DDX10: variants seen among roughly 807,000 people sequenced by gnomAD.
The protein encoded by DDX10 is DEAD-box helicase 10, also known as probable ATP-dependent RNA helicase DDX10.
In DDX10, 74 loss-of-function variants were observed where a neutral mutation model predicts 104.3. The ratio of observed to expected loss-of-function variants is 0.71; its 90% CI spans 0.59 to 0.86. DDX10 has a LOEUF of 0.86. Ranked by LOEUF, DDX10 falls within the 40% of genes least tolerant of loss-of-function variation. The pLI, the probability that DDX10 is intolerant of heterozygous loss-of-function variation, is 0.00. For synonymous variants in DDX10, 351 were observed against 353.4 expected (o/e 0.99, Z 0.08); for missense variants, 952 against 1,040.0 (o/e 0.92, Z 1.16).
At chr11:108,930,950 G>A (rs907953814) in intron 17 of DDX10, among the ~76,000 whole-genome samples, 4 of 152,200 alleles carry the variant, frequency 2.6e-5, no homozygotes, top group Middle Eastern at 3.4e-3. Context: ...TAATAAAAAC[G>A]TCAAAGACTA....
At chr11:108,877,869 G>C (rs1863173378) in intron 16 of DDX10, among the ~76,000 whole-genome samples, 1 of 152,144 alleles carries the variant, frequency 6.6e-6, no homozygotes, top group Non-Finnish European at 1.5e-5. Flanking sequence ...CATTTGAAGT[G>C]AAACAGTCTA....
chr11:108,809,447 G>A (rs1439736730), intron 13 of DDX10, among the ~76,000 whole-genome samples: 2 of 152,180 alleles, frequency 1.3e-5, no homozygotes, highest in East Asian at 1.9e-4. Flanking sequence ...TCTGTAAAGC[G>A]TTTCTGCAAG....
At chr11:108,724,026 C>A (rs2094302148) in intron 13 of DDX10, among the ~76,000 whole-genome samples, 2 of 151,928 alleles carry the variant, frequency 1.3e-5, no homozygotes, top group Non-Finnish European at 2.9e-5. Context: ...AGAAATAATC[C>A]ATTTAGATAA....
At chr11:108,933,524 C>T (rs1290446576) in intron 17 of DDX10, among the ~76,000 whole-genome samples, 2 of 152,130 alleles carry the variant, frequency 1.3e-5, no homozygotes, top group South Asian at 2.1e-4. Context: ...ATCAAAATTA[C>T]TCATTTTTAT....
chr11:108,831,745 A>G (rs184099390), intron 13 of DDX10, among the ~76,000 whole-genome samples: 23 of 152,172 alleles, frequency 1.5e-4, no homozygotes, highest in Non-Finnish European at 2.6e-4. Flanking sequence ...AGTAATGCTT[A>G]TATTAGTTTT....
chr11:108,794,278 C>CT (rs1591819985), intron 13 of DDX10, among the ~76,000 whole-genome samples: 1 of 151,634 alleles, frequency 6.6e-6, no homozygotes, highest in East Asian at 1.9e-4. Context: ...GTTTTAGTAG[C>CT]TTTTTTGTAG....
chr11:108,754,790 C>A (rs1014272221), intron 13 of DDX10, among the ~76,000 whole-genome samples: 1 of 151,932 alleles, frequency 6.6e-6, no homozygotes, highest in African/African-American at 2.4e-5. Flanking sequence ...GGAGAGCAAA[C>A]CTTATTCACT....
intron 6 of DDX10, among the ~76,000 whole-genome samples, chr11:108,681,774 A>T (rs911037540): frequency 1.3e-5 from 2 of 152,214 alleles, no homozygotes; most frequent in South Asian, 2.1e-4. Flanking sequence ...TTCAGTGACA[A>T]GTTGAATTCT....
intron 15 of DDX10, among the ~76,000 whole-genome samples, chr11:108,841,955 G>A (rs1350302349): frequency 6.6e-6 from 1 of 152,136 alleles, no homozygotes; most frequent in East Asian, 1.9e-4. Context: ...ACTAAGTAAT[G>A]TCCCATCGTA....
chr11:108,899,435 A>G (rs1044532120), intron 16 of DDX10, among the ~76,000 whole-genome samples: 4 of 152,062 alleles, frequency 2.6e-5, no homozygotes, highest in Non-Finnish European at 2.9e-5. Context: ...AGGGAGATAT[A>G]TGGTGTTGCC....
chr11:108,681,603 A>G (rs2094235345), intron 6 of DDX10, among the ~76,000 whole-genome samples: 1 of 152,222 alleles, frequency 6.6e-6, no homozygotes. Context: ...GAAGGACACA[A>G]CAACTAAAGA....
chr11:108,939,592 G>A (rs182089682), intron 17 of DDX10, among the ~76,000 whole-genome samples: 1 of 152,254 alleles, frequency 6.6e-6, no homozygotes, highest in East Asian at 1.9e-4. Context: ...TTTTTCTTCT[G>A]TTTTTAGCAT....
chr11:108,849,362 A>G (rs1016147004), intron 15 of DDX10, among the ~76,000 whole-genome samples: 4 of 152,112 alleles, frequency 2.6e-5, no homozygotes, highest in African/African-American at 9.7e-5. Context: ...AAAGGAATAT[A>G]CTTTCATAAC....
intron 13 of DDX10, among the ~76,000 whole-genome samples, chr11:108,759,068 A>G (rs992154781): frequency 6.6e-6 from 1 of 152,092 alleles, no homozygotes; most frequent in African/African-American, 2.4e-5. Flanking sequence ...TAGTGCTATT[A>G]TAGTACAATC....
intron 16 of DDX10, among the ~76,000 whole-genome samples, chr11:108,888,357 C>T (rs1441718880): frequency 1.3e-5 from 2 of 152,018 alleles, no homozygotes; most frequent in African/African-American, 4.8e-5. Flanking sequence ...ATATATATTC[C>T]CCCCTTCCAT....
Position 108,665,081 on chromosome 11 carries a change from T to A in DDX10, c.-73T>A. On this transcript the variant is annotated 5_prime_UTR_variant, in exon 1 of 18. An upstream start codon of the reference 5' UTR is lost. Coordinates refer to ENST00000322536, the MANE Select transcript of DDX10 (RefSeq NM_004398.4). ...CATGCGCCTCTGTGCGTTTGTCCCA[T>A]GCTGGTTCCGTGAGTCTGGCCTTAG... is the stretch of plus-strand genomic sequence containing the variant. 2.7e-6 allele frequency: 4 copies of A among 1,472,170 alleles called. No individual in the cohort carries two copies. The highest frequency in any genetic ancestry group is 2.7e-6 in the Non-Finnish European group (3 of 1,115,386). 91.2% of individuals were successfully genotyped at this position (1,472,170 alleles called of 1,614,324 possible). A position where few individuals can be genotyped will look rare whatever the true frequency, so the allele number is the denominator to read the frequency against.
intron 14 of DDX10, 98 bp from the exon 15 acceptor site, chr11:108,841,217 T>G (rs1448729030): frequency 1.1e-6 from 1 of 944,768 alleles, no homozygotes; most frequent in Non-Finnish European, 1.6e-6. Flanking sequence ...AGGCAGAAAA[T>G]GGGTATCTGC....
At chr11:108,716,921 C>CT (rs559505105) in intron 11 of DDX10, among the ~76,000 whole-genome samples, 66 of 146,412 alleles carry the variant, frequency 4.5e-4, no homozygotes, top group South Asian at 1.5e-3. Flanking sequence ...TTTAGTTAAA[C>CT]TTTTTTTTTT....
At chr11:108,755,123 A>G (rs781366414) in intron 13 of DDX10, among the ~76,000 whole-genome samples, 1 of 152,018 alleles carries the variant, frequency 6.6e-6, no homozygotes, top group Non-Finnish European at 1.5e-5. Context: ...TGTTCTTGGC[A>G]GGAGATGTTG....
Sources: allele counts gnomAD v4.1 joint callset (sites outside exome capture counted in the v4.1 genomes callset), GRCh38; gene constraint gnomAD v4.1.1; transcripts MANE v1.5; gene names NCBI Gene and HGNC (gene_info 2026-07-23, HGNC 2026-07-21).